Variants in ERAP1 observed in about 807,000 individuals in gnomAD.
ERAP1 encodes endoplasmic reticulum aminopeptidase 1.
ERAP1 carries 86 observed loss-of-function variants against 103.7 expected under a neutral mutation model. The ratio of observed to expected loss-of-function variants is 0.83; its 90% CI spans 0.70 to 0.99. The LOEUF (loss-of-function observed/expected upper bound fraction) is 0.99. Ranked by LOEUF, ERAP1 falls within the 50% of genes least tolerant of loss-of-function variation. The pLI is 0.00. For missense variants in ERAP1, 1,009 were observed against 1,128.4 expected (o/e 0.89, Z 1.52); for synonymous variants, 398 against 402.4 (o/e 0.99, Z 0.13).
chr5:96,896,884 C>T, the ERAP1 span: 139 of 1,548,766 alleles, frequency 9.0e-5, no homozygotes, highest in South Asian at 8.8e-4. Flanking sequence ...TGTTGGGTAA[C>T]GATAGACTGT....
In ERAP1 at chr5:96,776,269, T is replaced by G. The variant is rs1347633242; in HGVS notation, c.*127A>C. The G allele has an allele frequency of 2.5e-5, 37 of 1,490,160 alleles. No individual in the cohort carries two copies. Among genetic ancestry groups the G allele is most frequent in the Non-Finnish European group, 3.2e-5 (36 of 1,115,864 alleles). The allele number at this position is 1,490,160 out of a possible 1,614,324, so 92.3% of individuals were successfully genotyped here. A position where few individuals can be genotyped will look rare whatever the true frequency, so the allele number is the denominator to read the frequency against. On this transcript the variant is annotated 3_prime_UTR_variant, in exon 19 of 19. Coordinates refer to ENST00000443439, the MANE Select transcript of ERAP1 (RefSeq NM_001040458.3). ...ACAGCTATTCTTTTCACAGGGATAG[T>G]CAAAAAATGAGTTGAAGGGAAAAAA...
At chr5:96,792,849 G>T (rs186761105) in intron 7 of ERAP1, among the ~76,000 whole-genome samples, 1 of 152,130 alleles carries the variant, frequency 6.6e-6, no homozygotes, top group Non-Finnish European at 1.5e-5. Context: ...AGAATCATTG[G>T]AGTAGGATAA....
chr5:96,851,939 A>G, the ERAP1 span, among the ~76,000 whole-genome samples: 2 of 152,156 alleles, frequency 1.3e-5, no homozygotes, highest in Non-Finnish European at 2.9e-5. Context: ...CAGAATAGAC[A>G]TGGTGGTGTG....
chr5:96,896,122 G>C, the ERAP1 span, among the ~76,000 whole-genome samples: 1 of 152,002 alleles, frequency 6.6e-6, no homozygotes, highest in Admixed American at 6.6e-5. Context: ...TGTATTCAAG[G>C]GCTGGTACAT....
At chr5:96,793,056 A>T (rs1776912725) in intron 7 of ERAP1, among the ~76,000 whole-genome samples, 1 of 152,250 alleles carries the variant, frequency 6.6e-6, no homozygotes, top group Admixed American at 6.5e-5. Context: ...TTGAGATATC[A>T]GTAATCTGTA....
the ERAP1 span, among the ~76,000 whole-genome samples, chr5:96,838,314 T>A: frequency 6.6e-5 from 10 of 152,286 alleles, no homozygotes; most frequent in South Asian, 2.1e-3. Flanking sequence ...TGGGTACCTC[T>A]GAGGTGGAAC....
At chr5:96,883,864 C>T in the ERAP1 span, 18 of 1,613,804 alleles carry the variant, frequency 1.1e-5, no homozygotes, top group South Asian at 1.4e-4. Context: ...AACCGTTGTT[C>T]AAAGCCAACT....
chr5:96,881,833 A>T, the ERAP1 span, among the ~76,000 whole-genome samples: 3 of 152,204 alleles, frequency 2.0e-5, no homozygotes, highest in African/African-American at 7.2e-5. Flanking sequence ...CTTTACAAAG[A>T]TTTCCCACCC....
the ERAP1 span, among the ~76,000 whole-genome samples, chr5:96,923,600 A>G: frequency 2.0e-5 from 3 of 151,596 alleles, no homozygotes; most frequent in African/African-American, 7.3e-5. Context: ...AGGCTGAGGC[A>G]GGAGACTGGC....
At chr5:96,913,266 C>A in the ERAP1 span, 1 of 1,468,586 alleles carries the variant, frequency 6.8e-7, no homozygotes, top group Non-Finnish European at 9.4e-7. Flanking sequence ...GAGTTAATGT[C>A]CATGTACATA....
chr5:96,793,354 A>C (rs1776945393), intron 7 of ERAP1, 46 bp downstream of exon 7: 1 of 1,365,712 alleles, frequency 7.3e-7, no homozygotes, highest in Non-Finnish European at 1.0e-6. Context: ...AATATTGAAC[A>C]AAACAACAAA....
chr5:96,871,583 G>A, the ERAP1 span, among the ~76,000 whole-genome samples: 1 of 152,118 alleles, frequency 6.6e-6, no homozygotes, highest in Non-Finnish European at 1.5e-5. Flanking sequence ...CATTTTTCCT[G>A]TTTGAGAATG....
the ERAP1 span, among the ~76,000 whole-genome samples, chr5:96,856,365 T>TATAGAGAGAGAGAGAGAG: frequency 9.8e-5 from 2 of 20,384 alleles, no homozygotes; most frequent in East Asian, 5.6e-4. Flanking sequence ...TATATATATA[T>TATAGAGAGAGAGAGAGAG]AGAGAGAGAG....
the ERAP1 span, among the ~76,000 whole-genome samples, chr5:96,878,242 A>G: frequency 6.6e-6 from 1 of 152,164 alleles, no homozygotes; most frequent in African/African-American, 2.4e-5. Flanking sequence ...AAAATTCTGT[A>G]AGAATATTAT....
At chr5:96,777,421 A>G (rs1043550639) in intron 18 of ERAP1, among the ~76,000 whole-genome samples, 1 of 152,202 alleles carries the variant, frequency 6.6e-6, no homozygotes, top group African/African-American at 2.4e-5. Flanking sequence ...TTAGAAATCC[A>G]TGTCATAATA....
Position 96,778,524 on chromosome 5 carries a change from T to C in ERAP1, c.2670+1899A>G, listed in dbSNP as rs547495722. On this transcript the variant is annotated intron_variant, in intron 18 of 18. Transcript: ENST00000443439. ...AGGAGGCTGAGTGGCTACAGTGTTA[T>C]GAGAGAGTAAGCCAGGAGCGCCTGT... Among the ~76,000 whole-genome samples, 7 of 152,188 alleles carry C rather than the reference T, an allele frequency of 4.6e-5. No homozygotes were observed. The East Asian group carries it at 1.4e-3, about 29-fold the overall frequency.
At chr5:96,896,362 T>C in the ERAP1 span, 1 of 1,598,966 alleles carries the variant, frequency 6.3e-7, no homozygotes, top group Non-Finnish European at 8.6e-7. Flanking sequence ...AACATTTTTC[T>C]CCCTGTTTAG....
the ERAP1 span, among the ~76,000 whole-genome samples, chr5:96,865,392 T>A: frequency 2.0e-5 from 3 of 152,212 alleles, no homozygotes; most frequent in Admixed American, 2.0e-4. Flanking sequence ...TAAATATGTG[T>A]ATAAAAGCCC....
At chr5:96,863,317 C>T in the ERAP1 span, among the ~76,000 whole-genome samples, 2 of 152,186 alleles carry the variant, frequency 1.3e-5, no homozygotes, top group Admixed American at 6.5e-5. Context: ...AACAGCTCTA[C>T]TCCCACCGTC....
Sources: allele counts gnomAD v4.1 joint callset (sites outside exome capture counted in the v4.1 genomes callset), GRCh38; gene constraint gnomAD v4.1.1; transcripts MANE v1.5; gene names NCBI Gene and HGNC (gene_info 2026-07-23, HGNC 2026-07-21).